The following SPTBN4 variants were observed in gnomAD, a reference collection of about 807,000 sequenced individuals.
SPTBN4 encodes spectrin beta chain, non-erythrocytic 4.
A neutral mutation model predicts 277.8 loss-of-function variants in SPTBN4; 96 were observed. That is an observed-to-expected ratio of 0.35 (90% CI 0.29 to 0.41). The LOEUF (loss-of-function observed/expected upper bound fraction) is 0.41. Ranked by LOEUF, SPTBN4 falls within the 10% of genes least tolerant of loss-of-function variation. The pLI, the probability that SPTBN4 is intolerant of heterozygous loss-of-function variation, is 1.00. For missense variants in SPTBN4, 3,006 were observed against 3,595.7 expected (o/e 0.84, Z 4.19); for synonymous variants, 1,481 against 1,580.3 (o/e 0.94, Z 1.49).
chr19:40,474,020 C>T (rs2079918180), intron 2 of SPTBN4, among the ~76,000 whole-genome samples: 1 of 151,146 alleles, frequency 6.6e-6, no homozygotes, highest in African/African-American at 2.4e-5. Context: ...GGCGTGGTGG[C>T]ATGCATCTGT....
chr19:40,513,553 C>G lies in SPTBN4; in HGVS notation c.2764C>G (p.Arg922Gly), dbSNP rs766530773. The G allele has an allele frequency of 2.9e-5, 45 of 1,563,186 alleles. No homozygotes were observed. Among genetic ancestry groups the G allele is most frequent in the Non-Finnish European group, 3.7e-5 (43 of 1,159,152 alleles). Residue 922 changes from arginine (R) to glycine (G), a missense_variant and splice_region_variant, in exon 14 of 36, where the codon CGA (arginine) becomes GGA (glycine). Arg to Gly is a moderately radical substitution (Grantham distance 125). Transcript: ENST00000598249. ...SLDDVEVVQH[R>G]FESLDQEMNS... is the part of the protein sequence containing the mutation. ...CGACGACGTCGAGGTGGTGCAGCAC[C>G]GGTGAGCGCGCACATGTGGGACTCC...
Position 40,520,059 on chromosome 19 carries a change from TGGGAGGCGCGCA to T in SPTBN4, c.3572_3583del (p.Arg1191_Ala1194del). The T allele has an allele frequency of 1.3e-6, 2 of 1,536,872 alleles. No individual in the cohort carries two copies. Among genetic ancestry groups the T allele is most frequent in the Admixed American group, 2.1e-5 (1 of 46,866 alleles). ...TGGCTGGCATAAACTGCTCGGCTTG[TGGGAGGCGCGCA>T]GGGAGGCGCTGGTCCAGGCGCACAT... On this transcript the variant is annotated inframe_deletion, in exon 16 of 36. Coordinates refer to ENST00000598249, the MANE Select transcript of SPTBN4 (RefSeq NM_020971.3).
At position 40,502,475 on chromosome 19, in the gene SPTBN4, C is replaced by T. The variant is rs775132811; in HGVS notation, c.1171C>T (p.Arg391Trp). 3.7e-6 allele frequency: 6 copies of T among 1,613,230 alleles called. No homozygotes were observed. The highest frequency in any genetic ancestry group is 1.1e-5 in the South Asian group (1 of 91,064). Residue 391 changes from arginine (R) to tryptophan (W), a missense_variant, in exon 10 of 36, where the codon CGG becomes TGG. By Grantham distance (101) the Arg-to-Trp change is moderately radical. Around this residue, in one of 5 missense-constraint regions of SPTBN4, gnomAD observed 1,759 missense variants for 2,061.5 expected, o/e 0.85. Coordinates refer to ENST00000598249, the MANE Select transcript of SPTBN4 (RefSeq NM_020971.3). This position sits in a 1 kb window ranked among gnomAD's most constrained non-coding sequence, Gnocchi z 4.9. ...CTGCAACCGTCGCCTCTTTGTGCCT[C>T]GGGAGGGCTGTGGCATCTGGGATAT... The part of the protein sequence containing the change: ...RACNRRLFVP[R>W]EGCGIWDIDK...
chr19:40,554,221 G>C lies in SPTBN4; in HGVS notation c.4749G>C (p.Ser1583=), dbSNP rs937050777. The change falls in exon 23 of 36, where the codon TCG becomes TCC. Residue 1583 remains serine (S), a synonymous_variant. Transcript: ENST00000598249. This position sits in a 1 kb window ranked among gnomAD's most constrained non-coding sequence, Gnocchi z 5.7. ...EVLERAGALA[S]LRSPEAEAVR... is the part of the protein sequence containing the mutation. ...TGGAGCGCGCGGGCGCGCTGGCGTC[G>C]CTGCGCAGCCCGGAGGCAGAGGCAG... 1.3e-6 allele frequency: 2 copies of C among 1,498,688 alleles called. No individual in the cohort carries two copies. Among genetic ancestry groups the C allele is most frequent in the African/African-American group, 1.4e-5 (1 of 69,038 alleles). 92.8% of individuals were successfully genotyped at this position (1,498,688 alleles called of 1,614,324 possible). A position where few individuals can be genotyped will look rare whatever the true frequency, so the allele number is the denominator to read the frequency against.
At chr19:40,561,091 G>A (rs1189462040) in intron 27 of SPTBN4, among the ~76,000 whole-genome samples, 1 of 152,096 alleles carries the variant, frequency 6.6e-6, no homozygotes, top group Admixed American at 6.6e-5. Context: ...TCACCTCACT[G>A]CAACCTCCGT....
At chr19:40,572,417 C>G (rs2081163923) in intron 35 of SPTBN4, 37 bp downstream of exon 35, 2 of 1,612,990 alleles carry the variant, frequency 1.2e-6, no homozygotes, top group East Asian at 2.2e-5. Flanking sequence ...GTGTGGACCT[C>G]AGTAATGACC....
At chr19:40,527,176 T>C (rs2080602626) in intron 17 of SPTBN4, among the ~76,000 whole-genome samples, 1 of 152,172 alleles carries the variant, frequency 6.6e-6, no homozygotes. Context: ...TATCTCTGTT[T>C]CCTGCTCCCT....
intron 20 of SPTBN4, among the ~76,000 whole-genome samples, chr19:40,535,470 C>T (rs2080724544): frequency 6.6e-6 from 1 of 151,776 alleles, no homozygotes; most frequent in Admixed American, 6.6e-5. Context: ...AATAGCAAAG[C>T]CTGGATTTCA....
At chr19:40,506,471 G>A in intron 13 of SPTBN4, 85 bp downstream of exon 13, 2 of 1,494,004 alleles carry the variant, frequency 1.3e-6, no homozygotes, top group East Asian at 4.6e-5. Context: ...CCTGAGAGAA[G>A]GAAAGAGTGA....
intron 17 of SPTBN4, 151 bp downstream of exon 17, chr19:40,523,790 C>G: frequency 1.3e-6 from 1 of 796,288 alleles, no homozygotes; most frequent in Non-Finnish European, 1.9e-6. Flanking sequence ...TCCATGTTGT[C>G]TTAGATTTGA....
chr19:40,470,515 C>T (rs760971131), intron 1 of SPTBN4, among the ~76,000 whole-genome samples: 12 of 152,026 alleles, frequency 7.9e-5, no homozygotes, highest in South Asian at 2.1e-4. Flanking sequence ...CCATGTTGGC[C>T]GGGCTGGTCT....
At chr19:40,521,165 C>T (rs141946857) in intron 16 of SPTBN4, among the ~76,000 whole-genome samples, 6,316 of 152,082 alleles carry the variant, frequency 0.042, 179 homozygotes, top group Middle Eastern at 0.1. Context: ...CCTCATGATC[C>T]GCCTGCCTCG....
At chr19:40,575,064 A>C (rs2081188743) in intron 35 of SPTBN4, among the ~76,000 whole-genome samples, 1 of 152,000 alleles carries the variant, frequency 6.6e-6, no homozygotes, top group South Asian at 2.1e-4. Flanking sequence ...GTGAGAATTA[A>C]ATTGCTCCAT....
chr19:40,529,189 C>G, intron 18 of SPTBN4, 58 bp downstream of exon 18: 2 of 1,485,884 alleles, frequency 1.3e-6, no homozygotes, highest in Non-Finnish European at 1.9e-6. Flanking sequence ...GAGGGAAGTG[C>G]TTCTCGGCCG....
At position 40,501,958 on chromosome 19, in the gene SPTBN4, C is replaced by A; in HGVS notation, c.822C>A (p.Ile274=). ...AGGCTCCAGATGAGAAGTCCATCAT[C>A]ACCTACGTGGTCTCTTTCTACCACT... ...NMEAPDEKSI[I]TYVVSFYHYF... Residue 274 remains isoleucine (I), a synonymous_variant, in exon 8 of 36, where the codon ATC becomes ATA. Coordinates refer to ENST00000598249, the MANE Select transcript of SPTBN4 (RefSeq NM_020971.3). 6.2e-7 allele frequency: 1 copy of A among 1,614,212 alleles called. No homozygotes were observed. The highest frequency in any genetic ancestry group is 8.5e-7 in the Non-Finnish European group (1 of 1,180,044).
chr19:40,544,006 C>G (rs814514), intron 20 of SPTBN4, among the ~76,000 whole-genome samples: 67,691 of 151,958 alleles, frequency 0.45, 15,948 homozygotes, highest in African/African-American at 0.52. Context: ...TTCTCATCCC[C>G]TCCCCCAGTA....
intron 7 of SPTBN4, among the ~76,000 whole-genome samples, chr19:40,498,627 G>A (rs992641332): frequency 3.3e-5 from 5 of 151,542 alleles, no homozygotes; most frequent in South Asian, 2.1e-4. Flanking sequence ...GGATGGTCTC[G>A]ATCTCCTGAC....
intron 27 of SPTBN4, among the ~76,000 whole-genome samples, chr19:40,561,232 C>T (rs1308361376): frequency 6.6e-6 from 1 of 152,082 alleles, no homozygotes; most frequent in Non-Finnish European, 1.5e-5. Context: ...ACTCTGGTCT[C>T]AAACTCCTGG....
At chr19:40,473,587 C>T (rs942265724) in intron 2 of SPTBN4, among the ~76,000 whole-genome samples, 6 of 149,618 alleles carry the variant, frequency 4.0e-5, no homozygotes, top group Admixed American at 2.0e-4. Flanking sequence ...GAACTCCCAA[C>T]CTCAGGTGAT....
Sources: allele counts gnomAD v4.1 joint callset (sites outside exome capture counted in the v4.1 genomes callset), GRCh38; gene constraint gnomAD v4.1.1; regional missense constraint gnomAD v4.1.1; non-coding constraint Gnocchi (gnomAD v3.1); transcripts MANE v1.5; gene names NCBI Gene and HGNC (gene_info 2026-07-23, HGNC 2026-07-21).